Variants in PPM1J observed in about 807,000 individuals in gnomAD.
The protein encoded by PPM1J is protein phosphatase 1J.
Under a neutral mutation model 53.3 loss-of-function variants are expected in PPM1J, and 43 were observed. The ratio of observed to expected loss-of-function variants is 0.81; its 90% CI spans 0.63 to 1.04. The LOEUF is 1.04. Ranked by LOEUF, PPM1J falls within the 50% of genes least tolerant of loss-of-function variation. PPM1J has a pLI of 0.00. For synonymous variants in PPM1J, 267 were observed against 286.4 expected (o/e 0.93, Z 0.68); for missense variants, 635 against 685.9 (o/e 0.93, Z 0.83).
Position 112,712,776 on chromosome 1 carries a change from C to G in PPM1J, c.697G>C (p.Val233Leu). Residue 233 changes from valine (V) to leucine (L), a missense_variant, in exon 3 of 10, where the codon GTG becomes CTG. By Grantham distance (32) the Val-to-Leu change is conservative. Transcript: ENST00000309276. ...TGGAAGGCATTCTCAACGGCCCCCA[C>G]TACCAGGCTCTCGTGGCTCACTTCC... ...QKEVSHESLV[V>L]GAVENAFQLM... 1.2e-6 allele frequency: 2 copies of G among 1,612,146 alleles called. No homozygotes were observed. Among genetic ancestry groups the G allele is most frequent in the Non-Finnish European group, 1.7e-6 (2 of 1,179,728 alleles).
chr1:112,712,595 G>A (rs1454252905), intron 3 of PPM1J, 138 bp from the exon 4 acceptor site: 9 of 1,109,868 alleles, frequency 8.1e-6, no homozygotes, highest in South Asian at 1.5e-5. Flanking sequence ...AGACTGGGGT[G>A]TAACTGCCCC....
At chr1:112,713,694 T>C in intron 1 of PPM1J, 83 bp from the exon 2 acceptor site, 1 of 1,136,132 alleles carries the variant, frequency 8.8e-7, no homozygotes. Flanking sequence ...CACCGTCTCC[T>C]GCGCCCGCTG....
At chr1:112,714,337 G>C in intron 1 of PPM1J, 1 of 985,518 alleles carries the variant, frequency 1.0e-6, no homozygotes, top group Non-Finnish European at 1.2e-6. Context: ...ACAGCCCGGG[G>C]GCCAGCCGGC....
At chr1:112,713,637 G>C (rs748099124) in intron 1 of PPM1J, 26 bp from the exon 2 acceptor site, 1 of 1,565,250 alleles carries the variant, frequency 6.4e-7, no homozygotes, top group East Asian at 2.2e-5. Flanking sequence ...GACCACATCA[G>C]GTTGGACACC....
Position 112,712,946 on chromosome 1 carries a change from T to C in PPM1J, c.527A>G (p.His176Arg), listed in dbSNP as rs776544772. Residue 176 changes from histidine (H) to arginine (R), a missense_variant, in exon 3 of 10, where the codon CAT becomes CGT. Coordinates refer to ENST00000309276, the MANE Select transcript of PPM1J (RefSeq NM_005167.7). ...AEMASRLLHR[H>R]IREQLKDLVE... is the part of the protein sequence containing the mutation. Reference sequence around the variant, plus strand: ...CAGGTCCTTTAGCTGCTCTCGGATATGGCGATGCAGGAGCCGTGAGGCCAT... The same window carrying C: ...CAGGTCCTTTAGCTGCTCTCGGATACGGCGATGCAGGAGCCGTGAGGCCAT... 16 of 1,613,836 alleles carry C rather than the reference T, an allele frequency of 9.9e-6. No homozygotes were observed. The highest frequency in any genetic ancestry group is 7.7e-5 in the South Asian group (7 of 91,074).
In PPM1J at chr1:112,713,551, A is replaced by G. The variant is rs199930146; in HGVS notation, c.387T>C (p.Tyr129=). 1.4e-5 allele frequency: 22 copies of G among 1,614,096 alleles called. No individual in the cohort carries two copies. In the African/African-American group the frequency reaches 2.7e-4, roughly 20 times the overall value. The change falls in exon 2 of 10, where the codon TAT becomes TAC. Residue 129 remains tyrosine, a synonymous_variant. Coordinates refer to ENST00000309276, the MANE Select transcript of PPM1J (RefSeq NM_005167.7). ...CTGTAACACTCCTCCGACCTTCCAC[A>G]TACACCACTTCACAGCAAGCCTGGT... ...NEDQACCEVV[Y]VEGRRSVTGV...
At chr1:112,713,925 G>A (rs1450955606) in intron 1 of PPM1J, 5 of 702,704 alleles carry the variant, frequency 7.1e-6, no homozygotes, top group Non-Finnish European at 1.0e-5. Context: ...TCCTAGTGGT[G>A]CTTCTGGGGG....
chr1:112,711,997 T>C lies in PPM1J; in HGVS notation c.901A>G (p.Thr301Ala). 6.2e-7 allele frequency: 1 copy of C among 1,609,098 alleles called. No homozygotes were observed. The highest frequency in any genetic ancestry group is 1.7e-4 in the Middle Eastern group (1 of 6,020). Residue 301 changes from threonine (T) to alanine (A), a missense_variant, in exon 5 of 10, where the codon ACT becomes GCT. Coordinates refer to ENST00000309276, the MANE Select transcript of PPM1J (RefSeq NM_005167.7). Reference protein sequence around the residue: ...IPMSREFTPETERQRLQLLGF... With the variant: ...IPMSREFTPEAERQRLQLLGF... ...AGCAGCTGAAGACGCTGGCGCTCAG[T>C]CTCCGGGGTAAACTCCCGGGACATT...
chr1:112,713,058 TTTTG>T (rs745488290), intron 2 of PPM1J, 27 bp from the exon 3 acceptor site: 7 of 1,497,436 alleles, frequency 4.7e-6, no homozygotes, highest in South Asian at 1.3e-5. Context: ...TGGAGGTGAG[TTTTG>T]TTTGTGTGTG....
chr1:112,712,937 T>C lies in PPM1J; in HGVS notation c.536A>G (p.Glu179Gly). The change falls in exon 3 of 10, where the codon GAG becomes GGG. Residue 179 changes from glutamate to glycine, a missense_variant. Transcript: ENST00000309276. ...ASRLLHRHIR[E>G]QLKDLVEILQ... is the part of the protein sequence containing the mutation. The stretch of plus-strand genomic sequence containing the variant: ...TATCTCTACCAGGTCCTTTAGCTGC[T>C]CTCGGATATGGCGATGCAGGAGCCG... 1 of 1,613,924 alleles carries C rather than the reference T, an allele frequency of 6.2e-7. No homozygotes were observed. The highest frequency in any genetic ancestry group is 1.1e-5 in the South Asian group (1 of 91,064).
At chr1:112,712,714 GCAGGCT>G in intron 3 of PPM1J, 24 bp downstream of exon 3, 8 of 1,579,962 alleles carry the variant, frequency 5.1e-6, no homozygotes, top group Non-Finnish European at 6.0e-6. Flanking sequence ...TGGTTGCCTA[GCAGGCT>G]CTTGGCCCAG....
chr1:112,713,068 G>C, intron 2 of PPM1J, 37 bp from the exon 3 acceptor site: 1 of 1,087,754 alleles, frequency 9.2e-7, no homozygotes, highest in Non-Finnish European at 1.3e-6. Flanking sequence ...TTTTGTTTGT[G>C]TGTGTGTGTG....
rs1190072588 is a variant in PPM1J at position 112,715,161 on chromosome 1, G to A, written c.141C>T (p.Pro47=). The A allele has an allele frequency of 2.0e-6, 3 of 1,538,342 alleles. No individual in the cohort carries two copies. The highest frequency in any genetic ancestry group is 1.9e-5 in the Admixed American group (1 of 51,326). ...TCGCGCTCCCGCTCCCAGCCTTCGC[G>A]GGAGGGCTCCTGGGCGCTTCTGGAG... The part of the protein sequence containing the change: ...AAAPEAPRSP[P]AKAGSGSATP... The change falls in exon 1 of 10, where the codon CCC becomes CCT. Residue 47 remains proline, a synonymous_variant. Transcript: ENST00000309276. The surrounding 1 kb of genome is among the most constrained non-coding windows in gnomAD (Gnocchi z 4.4).
At position 112,713,477 on chromosome 1, in the gene PPM1J, G is replaced by A; in HGVS notation, c.441+20C>T. The A allele has an allele frequency of 6.4e-7, 1 of 1,561,196 alleles. No homozygotes were observed. The highest frequency in any genetic ancestry group is 8.8e-7 in the Non-Finnish European group (1 of 1,132,412). On this transcript the variant is annotated intron_variant, in intron 2 of 9. Coordinates refer to ENST00000309276, the MANE Select transcript of PPM1J (RefSeq NM_005167.7). ...GGGGAGAGGTGTCACTGTGTCTCTG[G>A]GAAAGGGGATGGGTCTTACCTGGCC...
At position 112,710,165 on chromosome 1, in the gene PPM1J, A is replaced by G. The variant is rs776264306; in HGVS notation, c.1516T>C (p.Ter506ArgextTer9). The G allele has an allele frequency of 5.8e-6, 9 of 1,561,330 alleles. No individual in the cohort carries two copies. Among genetic ancestry groups the G allele is most frequent in the Admixed American group, 2.2e-5 (1 of 46,054 alleles). ...IPLGGPGSYS[*>R] is the part of the protein sequence containing the mutation. ...TGGGAGGGATGGTGTTCAGCCCCTC[A>G]GGAGTAACTGCCTGGCCCTCCCAGG... Residue 506 changes from the stop codon to arginine (R), a stop_lost, in exon 10 of 10, where the codon TGA becomes CGA. Transcript: ENST00000309276.
At chr1:112,712,693 G>A (rs1230344722) in intron 3 of PPM1J, 51 bp downstream of exon 3, 1 of 1,550,608 alleles carries the variant, frequency 6.4e-7, no homozygotes, top group African/African-American at 1.4e-5. Context: ...TCCACACAGA[G>A]TTGGCCAGAG....
intron 2 of PPM1J, 75 bp downstream of exon 2, chr1:112,713,422 T>A: frequency 9.6e-7 from 1 of 1,044,856 alleles, no homozygotes. Context: ...TCCGCATGGC[T>A]CAGATTTAAA....
Position 112,710,996 on chromosome 1 carries a change from C to T in PPM1J, c.1110+12G>A, listed in dbSNP as rs1351039486. The T allele has an allele frequency of 1.2e-6, 2 of 1,612,824 alleles. No homozygotes were observed. The highest frequency in any genetic ancestry group is 1.7e-6 in the Non-Finnish European group (2 of 1,178,974). On this transcript the variant is annotated intron_variant, in intron 7 of 9. Transcript: ENST00000309276. ...TCCTCCTCCCCTCTCCCACCTCTAC[C>T]ATGGAGTTTACCTTTTTGCCCTCCC...
Position 112,712,725 on chromosome 1 carries a change from G to A in PPM1J, c.729+19C>T, listed in dbSNP as rs1557783745. ...AGAGTGGTTGCCTAGCAGGCTCTTG[G>A]CCCAGGTCACCCACTCACCATGAGC... On this transcript the variant is annotated intron_variant, in intron 3 of 9. Transcript: ENST00000309276. 7 of 1,591,258 alleles carry A rather than the reference G, an allele frequency of 4.4e-6. 1 individual carries two copies. In the East Asian group the frequency reaches 6.7e-5, roughly 15 times the overall value.
Sources: gnomAD v4.1 joint callset for allele counts on GRCh38, gnomAD v4.1.1 for gene constraint, Gnocchi (gnomAD v3.1) non-coding constraint, MANE v1.5 for transcripts, NCBI Gene and HGNC (gene_info 2026-07-23, HGNC 2026-07-21) for gene names.